ST6GALNAC3: variants seen among roughly 807,000 people sequenced by gnomAD.
ST6GALNAC3 encodes the protein ST6 N-acetylgalactosaminide alpha-2,6-sialyltransferase 3.
In ST6GALNAC3, 25 loss-of-function variants were observed where a neutral mutation model predicts 32.7. That is an observed-to-expected ratio of 0.76 (90% CI 0.56 to 1.07). The LOEUF is 1.07. Among genes scored for constraint, ST6GALNAC3 ranks in the 50% least tolerant of loss-of-function variants. ST6GALNAC3 has a pLI of 0.00. For missense variants in ST6GALNAC3, 355 were observed against 382.4 expected, an observed-to-expected ratio of 0.93 and a Z score of 0.60; for synonymous variants, 129 against 133.1, an observed-to-expected ratio of 0.97 and a Z score of 0.21.
At position 76,178,057 on chromosome 1, in the gene ST6GALNAC3, T is replaced by C. The variant is rs142045584; in HGVS notation, c.18+103173T>C. Among the ~76,000 whole-genome samples, 1,121 of 152,356 alleles carry C rather than the reference T, an allele frequency of 7.4e-3. 5 individuals carry two copies. Among genetic ancestry groups the C allele is most frequent in the Middle Eastern group, 0.027 (8 of 294 alleles). On this transcript the variant is annotated intron_variant, in intron 1 of 4. Coordinates refer to ENST00000328299, the MANE Select transcript of ST6GALNAC3 (RefSeq NM_152996.4). ...ATGGGATTTTGGTCTTTACTTTGAA[T>C]TGTCATAATTATTTAATGTCAAACC...
At chr1:76,090,291 C>T (rs1647026500) in intron 1 of ST6GALNAC3, among the ~76,000 whole-genome samples, 1 of 152,210 alleles carries the variant, frequency 6.6e-6, no homozygotes, top group African/African-American at 2.4e-5. Flanking sequence ...CTAGATTATA[C>T]TTAAGAAGAC....
chr1:76,567,828 G>A (rs1665640297), intron 3 of ST6GALNAC3, among the ~76,000 whole-genome samples: 3 of 152,168 alleles, frequency 2.0e-5, no homozygotes, highest in Non-Finnish European at 2.9e-5. Context: ...TGATAAGGGA[G>A]GACCTGTCTT....
chr1:76,249,382 ATTTTGTGACTGGGC>A (rs896335393), intron 1 of ST6GALNAC3, among the ~76,000 whole-genome samples: 3 of 152,152 alleles, frequency 2.0e-5, no homozygotes, highest in East Asian at 3.9e-4. Flanking sequence ...TAATTTTGTG[ATTTTGTGACTGGGC>A]TTTTGTGACT....
intron 2 of ST6GALNAC3, among the ~76,000 whole-genome samples, chr1:76,359,610 A>G (rs201017077): frequency 6.6e-6 from 1 of 152,208 alleles, no homozygotes; most frequent in Non-Finnish European, 1.5e-5. Flanking sequence ...CTGGGAGACA[A>G]TAGAATGCAG....
At chr1:76,427,927 A>G (rs538604991) in intron 3 of ST6GALNAC3, among the ~76,000 whole-genome samples, 4 of 152,276 alleles carry the variant, frequency 2.6e-5, no homozygotes, top group African/African-American at 4.8e-5. Flanking sequence ...ATGTCTTTCT[A>G]TAGTTCTGGA....
At chr1:76,318,955 T>G (rs1459727295) in intron 2 of ST6GALNAC3, among the ~76,000 whole-genome samples, 2 of 152,150 alleles carry the variant, frequency 1.3e-5, no homozygotes, top group Non-Finnish European at 2.9e-5. Flanking sequence ...TATTTGTAGT[T>G]GCCTATGAGG....
intron 3 of ST6GALNAC3, among the ~76,000 whole-genome samples, chr1:76,524,666 A>T (rs1662754307): frequency 6.6e-6 from 1 of 151,708 alleles, no homozygotes; most frequent in African/African-American, 2.4e-5. Context: ...TGCTTTTAAC[A>T]ATCCAAATAT....
chr1:76,153,057 C>A (rs748180102), intron 1 of ST6GALNAC3, among the ~76,000 whole-genome samples: 3 of 152,176 alleles, frequency 2.0e-5, no homozygotes, highest in Non-Finnish European at 4.4e-5. Flanking sequence ...TACAACTGGT[C>A]TCCAGAAGTG....
intron 2 of ST6GALNAC3, among the ~76,000 whole-genome samples, chr1:76,371,610 G>A (rs1461106729): frequency 6.6e-6 from 1 of 152,140 alleles, no homozygotes; most frequent in African/African-American, 2.4e-5. Flanking sequence ...GGATTTTGAT[G>A]TCACCTGTTG....
intron 3 of ST6GALNAC3, among the ~76,000 whole-genome samples, chr1:76,442,652 A>G (rs1053098489): frequency 6.6e-6 from 1 of 152,152 alleles, no homozygotes; most frequent in Non-Finnish European, 1.5e-5. Flanking sequence ...GTGTTATTTG[A>G]CAAGAACCCA....
intron 1 of ST6GALNAC3, among the ~76,000 whole-genome samples, chr1:76,298,835 C>T (rs571591902): frequency 6.6e-6 from 1 of 152,160 alleles, no homozygotes; most frequent in South Asian, 2.1e-4. Context: ...GCCACTTGCA[C>T]ATCCCATGGG....
intron 2 of ST6GALNAC3, among the ~76,000 whole-genome samples, chr1:76,366,722 AT>A (rs201018592): frequency 2.0e-5 from 3 of 149,072 alleles, no homozygotes; most frequent in African/African-American, 7.4e-5. Flanking sequence ...TGGCAAAAAA[AT>A]ACACACACAA....
chr1:76,374,022 T>C (rs1323331401), intron 2 of ST6GALNAC3, among the ~76,000 whole-genome samples: 2 of 152,176 alleles, frequency 1.3e-5, no homozygotes, highest in Non-Finnish European at 2.9e-5. Flanking sequence ...AAGTTCTTTC[T>C]CCTGTGGTTT....
At chr1:76,291,156 A>C (rs11162115) in intron 1 of ST6GALNAC3, among the ~76,000 whole-genome samples, 1 of 152,088 alleles carries the variant, frequency 6.6e-6, no homozygotes, top group African/African-American at 2.4e-5. Flanking sequence ...CCTGGGGCCT[A>C]CTAAATGTTT....
At chr1:76,158,454 A>G (rs994784988) in intron 1 of ST6GALNAC3, among the ~76,000 whole-genome samples, 1 of 152,226 alleles carries the variant, frequency 6.6e-6, no homozygotes, top group Admixed American at 6.5e-5. Context: ...GGCAGGTCAT[A>G]ACACCTGCAG....
intron 1 of ST6GALNAC3, among the ~76,000 whole-genome samples, chr1:76,286,357 T>C (rs1659778286): frequency 6.6e-6 from 1 of 152,174 alleles, no homozygotes; most frequent in African/African-American, 2.4e-5. Context: ...TACCCAGTAA[T>C]GATGTGTTTG....
chr1:76,184,191 A>T (rs536571301), intron 1 of ST6GALNAC3, among the ~76,000 whole-genome samples: 2 of 152,232 alleles, frequency 1.3e-5, no homozygotes, highest in Non-Finnish European at 1.5e-5. Flanking sequence ...TGAGAGGATC[A>T]GTTCTGCTTT....
At chr1:76,373,604 G>A (rs1014106120) in intron 2 of ST6GALNAC3, among the ~76,000 whole-genome samples, 3 of 152,094 alleles carry the variant, frequency 2.0e-5, no homozygotes, top group African/African-American at 7.2e-5. Flanking sequence ...CTTTTGCTTT[G>A]TATTTTAATA....
chr1:76,191,849 G>C (rs1306869283), intron 1 of ST6GALNAC3, among the ~76,000 whole-genome samples: 4 of 151,782 alleles, frequency 2.6e-5, no homozygotes, highest in Non-Finnish European at 5.9e-5. Context: ...TGTGTATTGA[G>C]GAAACTGGAA....
Sources: allele counts gnomAD v4.1 joint callset (sites outside exome capture counted in the v4.1 genomes callset), GRCh38; gene constraint gnomAD v4.1.1; transcripts MANE v1.5; gene names NCBI Gene and HGNC (gene_info 2026-07-23, HGNC 2026-07-21).